The following CHI3L2 variants were observed in gnomAD, a reference collection of about 807,000 sequenced individuals.
CHI3L2 encodes the protein chitinase-3-like protein 2.
Under a neutral mutation model 47.3 loss-of-function variants are expected in CHI3L2, and 47 were observed. The ratio of observed to expected loss-of-function variants is 0.99; its 90% confidence interval spans 0.79 to 1.27. CHI3L2 has a LOEUF of 1.27. Among genes scored for constraint, CHI3L2 ranks in the 50% most tolerant of loss-of-function variants. The probability of loss-of-function intolerance (pLI) is 0.00; values close to 1 mark genes in which losing one functional copy is unlikely to be tolerated. For synonymous variants in CHI3L2, 198 were observed against 169.9 expected, an observed-to-expected ratio of 1.17 and a Z score of -1.28; for missense variants, 497 against 462.1, an observed-to-expected ratio of 1.08 and a Z score of -0.69.
intron 10 of CHI3L2, 146 bp downstream of exon 10, chr1:111,242,512 C>T (rs1660091938): frequency 2.6e-6 from 2 of 764,700 alleles, no homozygotes; most frequent in Admixed American, 3.4e-5. Flanking sequence ...AGCAATTAGG[C>T]TGGTTCTGCC....
rs764506892 is a variant in CHI3L2, at chr1:111,230,788, C to T, written c.117C>T (p.Asp39=). Residue 39 remains aspartate (D), a synonymous_variant, in exon 3 of 11, where the codon GAC becomes GAT. Transcript: ENST00000369748. ...LVCYFTNWSQ[D]RQEPGKFTPE... is the part of the protein sequence containing the mutation. Reference sequence around the variant, plus strand: ...GCTACTTTACCAACTGGTCCCAGGACCGGCAGGAACCAGGAAAATTCACCC... The same window carrying T: ...GCTACTTTACCAACTGGTCCCAGGATCGGCAGGAACCAGGAAAATTCACCC... 1 of 1,614,130 alleles carries T rather than the reference C, an allele frequency of 6.2e-7. No homozygotes were observed. The highest frequency in any genetic ancestry group is 8.5e-7 in the Non-Finnish European group (1 of 1,180,028).
chr1:111,236,318 C>T (rs979656904), intron 7 of CHI3L2, among the ~76,000 whole-genome samples, 165 bp downstream of exon 7: 2 of 152,190 alleles, frequency 1.3e-5, no homozygotes, highest in Non-Finnish European at 2.9e-5. Context: ...GTGCTTTGAC[C>T]AGGCACCAAC....
At chr1:111,235,506 T>G in intron 5 of CHI3L2, 133 bp from the exon 6 acceptor site, 61 of 982,124 alleles carry the variant, frequency 6.2e-5, no homozygotes, top group Middle Eastern at 3.5e-4. Context: ...GGCATCCCCA[T>G]GTGGGGTGGG....
rs751299955 is a variant in CHI3L2 at position 111,231,223 on chromosome 1, A to G, written c.273-15A>G. ...CAGCCAGAAAATAAATAATCATCTT[A>G]TTCTTCTACTTCAGGAATCCCAAAC... On this transcript the variant is annotated splice_polypyrimidine_tract_variant and intron_variant, in intron 3 of 10. Coordinates refer to ENST00000369748, the MANE Select transcript of CHI3L2 (RefSeq NM_004000.3). The G allele has an allele frequency of 1.3e-6, 2 of 1,597,334 alleles. No homozygotes were observed. The highest frequency in any genetic ancestry group is 3.3e-5 in the Admixed American group (2 of 59,754).
At chr1:111,242,525 T>A (rs139011005) in intron 10 of CHI3L2, 159 bp downstream of exon 10, 6 of 590,220 alleles carry the variant, frequency 1.0e-5, no homozygotes, top group Non-Finnish European at 1.6e-5. Context: ...GTTCTGCCCT[T>A]TTCATAGGCT....
Position 111,238,787 on chromosome 1 carries a change from C to T in CHI3L2, c.773C>T (p.Pro258Leu), listed in dbSNP as rs1659959708. 1.9e-6 allele frequency: 3 copies of T among 1,613,774 alleles called. No homozygotes were observed. The highest frequency in any genetic ancestry group is 1.7e-6 in the Non-Finnish European group (2 of 1,179,898). Residue 258 changes from proline (P) to leucine (L), a missense_variant, in exon 8 of 11, where the codon CCA becomes CTA. Coordinates refer to ENST00000369748, the MANE Select transcript of CHI3L2 (RefSeq NM_004000.3). Reference protein sequence around the residue: ...AVGYWIHKGMPSEKVVMGIPT... With the variant: ...AVGYWIHKGMLSEKVVMGIPT... Reference sequence around the variant, plus strand: ...GGGTACTGGATACATAAGGGAATGCCATCAGAGAAGGTGGTCATGGGCATC... The same window carrying T: ...GGGTACTGGATACATAAGGGAATGCTATCAGAGAAGGTGGTCATGGGCATC...
intron 7 of CHI3L2, among the ~76,000 whole-genome samples, chr1:111,238,032 A>T (rs1025080612): frequency 6.6e-6 from 1 of 152,232 alleles, no homozygotes; most frequent in African/African-American, 2.4e-5. Context: ...AGGCCTTTAC[A>T]TAATAACTCT....
upstream of CHI3L2, chr1:111,227,669 C>A: frequency 6.5e-7 from 1 of 1,548,626 alleles, no homozygotes; most frequent in Non-Finnish European, 8.9e-7. Context: ...GACAGGCTGT[C>A]GAAACCTCAG....
chr1:111,240,959 T>G (rs1336656175), intron 8 of CHI3L2, among the ~76,000 whole-genome samples: 1 of 152,262 alleles, frequency 6.6e-6, no homozygotes, highest in Non-Finnish European at 1.5e-5. Flanking sequence ...TTAGTTCATT[T>G]GATCCTAACA....
intron 4 of CHI3L2, among the ~76,000 whole-genome samples, chr1:111,232,649 A>G (rs1266447399): frequency 6.6e-6 from 1 of 152,222 alleles, no homozygotes; most frequent in East Asian, 1.9e-4. Context: ...TGCAGTAATC[A>G]TTGTTATATG....
intron 4 of CHI3L2, among the ~76,000 whole-genome samples, chr1:111,232,051 T>G (rs930743759): frequency 6.6e-6 from 1 of 152,230 alleles, no homozygotes; most frequent in Non-Finnish European, 1.5e-5. Context: ...GTCTTGGAGT[T>G]TTTATAGAAA....
chr1:111,231,178 TTAGACAAAGGCTTCCC>T, intron 3 of CHI3L2, 44 bp from the exon 4 acceptor site: 3 of 1,425,608 alleles, frequency 2.1e-6, no homozygotes, highest in Non-Finnish European at 3.0e-6. Context: ...ACTCTGTTCT[TTAGACAAAGGCTTCCC>T]TGGCAGCCAG....
chr1:111,242,353 G>C lies in CHI3L2; in HGVS notation c.1162G>C (p.Gly388Arg), dbSNP rs770196979. Residue 388 changes from glycine (G) to arginine (R), a missense_variant, in exon 10 of 11, where the codon GGC (glycine) becomes CGC (arginine). By Grantham distance (125) the Gly-to-Arg change is moderately radical. Coordinates refer to ENST00000369748, the MANE Select transcript of CHI3L2 (RefSeq NM_004000.3). ...PLVQAVKRSL[G>R]SL ...TGTCCAAGCAGTCAAGAGAAGCCTT[G>C]GCTCCCTGTGAAGGTAACAGTCCAG... 1.2e-6 allele frequency: 2 copies of C among 1,607,888 alleles called. No homozygotes were observed. The highest frequency in any genetic ancestry group is 1.7e-6 in the Non-Finnish European group (2 of 1,176,934).
chr1:111,237,459 TA>T (rs1659917895), intron 7 of CHI3L2, among the ~76,000 whole-genome samples: 1 of 152,204 alleles, frequency 6.6e-6, no homozygotes. Flanking sequence ...GGAGAAAAAA[TA>T]TCTGTGTTGC....
chr1:111,242,106 C>T (rs1163099037), intron 9 of CHI3L2, 121 bp from the exon 10 acceptor site: 16 of 1,304,172 alleles, frequency 1.2e-5, no homozygotes, highest in Non-Finnish European at 1.6e-5. Flanking sequence ...TCTCTAACTC[C>T]AGAAAACCAG....
At chr1:111,230,012 T>A in intron 2 of CHI3L2, 131 bp downstream of exon 2, 1 of 962,360 alleles carries the variant, frequency 1.0e-6, no homozygotes, top group Non-Finnish European at 1.6e-6. Context: ...CTGACATATT[T>A]ATGACACTGA....
At chr1:111,235,467 G>A (rs1339594276) in intron 5 of CHI3L2, among the ~76,000 whole-genome samples, 172 bp from the exon 6 acceptor site, 3 of 152,216 alleles carry the variant, frequency 2.0e-5, no homozygotes, top group Admixed American at 2.0e-4. Flanking sequence ...TGCCTAATGT[G>A]GAGACTTCCT....
chr1:111,230,004 G>T, intron 2 of CHI3L2, 123 bp downstream of exon 2: 1 of 1,065,924 alleles, frequency 9.4e-7, no homozygotes. Flanking sequence ...TTCTGCCACT[G>T]ACATATTTAT....
At chr1:111,241,240 C>A in intron 8 of CHI3L2, 87 bp from the exon 9 acceptor site, 1 of 787,222 alleles carries the variant, frequency 1.3e-6, no homozygotes, top group Non-Finnish European at 2.3e-6. Context: ...TTCCCCAAGT[C>A]CCTAGTGGCT....
Sources: allele counts gnomAD v4.1 joint callset (sites outside exome capture counted in the v4.1 genomes callset), GRCh38; gene constraint gnomAD v4.1.1; transcripts MANE v1.5; gene names NCBI Gene and HGNC (gene_info 2026-07-23, HGNC 2026-07-21).